The following DGKI variants were observed in gnomAD, a reference collection of about 807,000 sequenced individuals.
The protein encoded by DGKI is DAG kinase iota.
In DGKI, 55 loss-of-function variants were observed where a neutral mutation model predicts 147.5. The observed-to-expected ratio is 0.37, with a 90% CI of 0.30 to 0.47. DGKI has a LOEUF of 0.47. DGKI is among the 20% of genes least tolerant of loss of function. The pLI, the probability that DGKI is intolerant of heterozygous loss-of-function variation, is 1.00. For missense variants in DGKI, 1,007 were observed against 1,323.8 expected (o/e 0.76, Z 3.71); for synonymous variants, 469 against 477.1 (o/e 0.98, Z 0.22).
chr7:137,455,990 C>T (rs1406090), intron 27 of DGKI, among the ~76,000 whole-genome samples: 98,251 of 152,022 alleles, frequency 0.65, 34,136 homozygotes, highest in Non-Finnish European at 0.76. Context: ...CTAAGACAGA[C>T]ACACTGAGAA....
chr7:137,621,152 T>C (rs1437774423), intron 7 of DGKI, among the ~76,000 whole-genome samples: 1 of 152,246 alleles, frequency 6.6e-6, no homozygotes, highest in Non-Finnish European at 1.5e-5. Context: ...AGCAATTGTA[T>C]ATAAAATACT....
chr7:137,565,056 T>G (rs1481266922), intron 19 of DGKI, among the ~76,000 whole-genome samples: 2 of 152,250 alleles, frequency 1.3e-5, no homozygotes, highest in Non-Finnish European at 2.9e-5. Context: ...AAAATGCTTA[T>G]GTCATTGTAA....
At chr7:137,622,985 C>T (rs1820804003) in intron 7 of DGKI, among the ~76,000 whole-genome samples, 1 of 152,222 alleles carries the variant, frequency 6.6e-6, no homozygotes. Context: ...ACAAGAACCA[C>T]TCTTCTTATC....
chr7:137,636,166 A>C (rs1446569849), intron 6 of DGKI, among the ~76,000 whole-genome samples: 1 of 152,186 alleles, frequency 6.6e-6, no homozygotes, highest in African/African-American at 2.4e-5. Flanking sequence ...CAATTTTAAT[A>C]ATAAATAGAC....
intron 1 of DGKI, among the ~76,000 whole-genome samples, chr7:137,752,706 G>C (rs768099773): frequency 6.6e-6 from 1 of 152,228 alleles, no homozygotes; most frequent in Middle Eastern, 3.4e-3. Flanking sequence ...AATCGATCAC[G>C]ACCCTCTCAC....
intron 27 of DGKI, among the ~76,000 whole-genome samples, chr7:137,448,782 T>C (rs1274828647): frequency 6.6e-6 from 1 of 151,738 alleles, no homozygotes; most frequent in East Asian, 1.9e-4. Context: ...ATTTGTGAAA[T>C]GTAAACTTAA....
At chr7:137,530,705 C>T (rs1185737358) in intron 20 of DGKI, among the ~76,000 whole-genome samples, 1 of 152,160 alleles carries the variant, frequency 6.6e-6, no homozygotes, top group Non-Finnish European at 1.5e-5. Flanking sequence ...TTCTTCATCA[C>T]ACCTAATCAT....
intron 28 of DGKI, among the ~76,000 whole-genome samples, chr7:137,418,514 G>A (rs954764504): frequency 2.0e-5 from 3 of 152,124 alleles, no homozygotes; most frequent in Non-Finnish European, 4.4e-5. Flanking sequence ...ACAGAACTTG[G>A]CAAAGCCATA....
At chr7:137,723,697 CCCTTTT>C (rs1449566413) in intron 1 of DGKI, among the ~76,000 whole-genome samples, 1 of 141,454 alleles carries the variant, frequency 7.1e-6, no homozygotes, top group African/African-American at 2.7e-5. Flanking sequence ...ATCATGATAT[CCCTTTT>C]TTTTTTTTTT....
chr7:137,646,960 A>G (rs1821846272), intron 5 of DGKI, among the ~76,000 whole-genome samples: 1 of 152,150 alleles, frequency 6.6e-6, no homozygotes, highest in Non-Finnish European at 1.5e-5. Flanking sequence ...CTAAACAAAG[A>G]CCCTGGAGGA....
rs1794724690 is a variant in DGKI at position 137,726,550 on chromosome 7, A to G, written c.402-36548T>C. ...GTTAAAAAGATCTGAGAATTTCAAA[A>G]TTTGAGCAAAATGCAGATTCTAATT... is the stretch of plus-strand genomic sequence containing the variant. On this transcript the variant is annotated intron_variant, in intron 1 of 32. Transcript: ENST00000614521. Among the ~76,000 whole-genome samples the G allele has an allele frequency of 2.6e-5, 4 of 152,244 alleles. No individual in the cohort carries two copies. The South Asian group carries it at 8.3e-4, about 32-fold the overall frequency.
chr7:137,698,907 G>A (rs982441487), intron 1 of DGKI, among the ~76,000 whole-genome samples: 2 of 152,074 alleles, frequency 1.3e-5, no homozygotes, highest in Non-Finnish European at 2.9e-5. Context: ...AGAAAGGAAG[G>A]GAAGGATCCA....
At position 137,418,032 on chromosome 7, in the gene DGKI, C is replaced by A. The variant is rs146646905; in HGVS notation, c.2762-5825G>T. On this transcript the variant is annotated intron_variant, in intron 28 of 32. Transcript: ENST00000614521. The stretch of plus-strand genomic sequence containing the variant: ...AAGATCCCCACCTGTTCCCACCATG[C>A]CAGGCCCCGTTTGAGGCAGTAAGAA... 6.2e-3 allele frequency among the ~76,000 whole-genome samples: 939 copies of A among 152,294 alleles called. 11 individuals carry two copies. The highest frequency in any genetic ancestry group is 0.022 in the African/African-American group (904 of 41,552).
intron 6 of DGKI, among the ~76,000 whole-genome samples, chr7:137,637,365 A>C (rs1821349844): frequency 6.6e-6 from 1 of 152,220 alleles, no homozygotes; most frequent in Admixed American, 6.5e-5. Flanking sequence ...GACCATGAAA[A>C]AGGAAACATT....
intron 20 of DGKI, among the ~76,000 whole-genome samples, chr7:137,525,137 C>T (rs1392766600): frequency 1.3e-5 from 2 of 152,078 alleles, no homozygotes; most frequent in African/African-American, 4.8e-5. Flanking sequence ...TTTATAGATC[C>T]CAAATGAATT....
intron 15 of DGKI, among the ~76,000 whole-genome samples, chr7:137,581,382 CT>C (rs1263446353): frequency 6.6e-6 from 1 of 152,064 alleles, no homozygotes; most frequent in African/African-American, 2.4e-5. Context: ...CCTGTTGTTT[CT>C]TTTATACAAA....
intron 27 of DGKI, among the ~76,000 whole-genome samples, chr7:137,459,289 G>A (rs189997811): frequency 1.8e-4 from 28 of 152,126 alleles, no homozygotes; most frequent in South Asian, 4.2e-4. Context: ...CAACAGAGCC[G>A]GGTCAGTTGC....
chr7:137,584,697 A>C (rs1310854082), intron 14 of DGKI, among the ~76,000 whole-genome samples: 3 of 152,184 alleles, frequency 2.0e-5, no homozygotes, highest in African/African-American at 7.2e-5. Flanking sequence ...ATCTAAAATA[A>C]AAGTCAATTT....
chr7:137,800,842 G>A (rs1424984466), intron 1 of DGKI, among the ~76,000 whole-genome samples: 2 of 152,114 alleles, frequency 1.3e-5, no homozygotes, highest in Non-Finnish European at 2.9e-5. Context: ...TCCATCCAAT[G>A]CTCATGATGC....
Sources: gnomAD v4.1 joint callset for allele counts (sites outside exome capture counted in the v4.1 genomes callset) on GRCh38, gnomAD v4.1.1 for gene constraint, MANE v1.5 for transcripts, NCBI Gene and HGNC (gene_info 2026-07-23, HGNC 2026-07-21) for gene names.